The following MIS18A variants were observed in gnomAD, a reference collection of about 807,000 sequenced individuals.
The protein encoded by MIS18A is protein Mis18-alpha.
Under a neutral mutation model 25.0 loss-of-function variants are expected in MIS18A, and 14 were observed. The observed-to-expected ratio is 0.56, with a 90% confidence interval of 0.37 to 0.88. The LOEUF is 0.88. Ranked by LOEUF, MIS18A falls within the 40% of genes least tolerant of loss-of-function variation. MIS18A has a pLI of 0.00. For missense variants in MIS18A, 292 were observed against 290.8 expected, an observed-to-expected ratio of 1.00 and a Z score of -0.03; for synonymous variants, 134 against 118.6, an observed-to-expected ratio of 1.13 and a Z score of -0.84.
the MIS18A span, among the ~76,000 whole-genome samples, chr21:32,203,113 G>C: frequency 3.3e-5 from 5 of 150,958 alleles, no homozygotes; most frequent in African/African-American, 1.2e-4. Context: ...CCCAAATAAA[G>C]ATGAAAGAAA....
the MIS18A span, among the ~76,000 whole-genome samples, chr21:32,184,757 T>G: frequency 6.6e-6 from 1 of 152,140 alleles, no homozygotes; most frequent in South Asian, 2.1e-4. Context: ...GCTGACACCT[T>G]AGTTGCTGTC....
At chr21:32,183,281 A>G in the MIS18A span, among the ~76,000 whole-genome samples, 1 of 152,194 alleles carries the variant, frequency 6.6e-6, no homozygotes, top group Non-Finnish European at 1.5e-5. Context: ...GCAAGCATCC[A>G]TTGAATACAC....
At chr21:32,171,377 T>C in the MIS18A span, among the ~76,000 whole-genome samples, 10 of 152,206 alleles carry the variant, frequency 6.6e-5, no homozygotes, top group African/African-American at 2.4e-4. Context: ...AAACATTTTA[T>C]AAACAATTCT....
the MIS18A span, among the ~76,000 whole-genome samples, chr21:32,206,566 C>G: frequency 6.6e-6 from 1 of 152,086 alleles, no homozygotes. Flanking sequence ...TAATACACAA[C>G]TTGGTTCAGC....
the MIS18A span, among the ~76,000 whole-genome samples, chr21:32,176,423 G>A: frequency 1.3e-5 from 2 of 152,204 alleles, no homozygotes; most frequent in South Asian, 4.1e-4. Context: ...TGACCAAAAT[G>A]TTATTATGTG....
the MIS18A span, chr21:32,260,323 T>C: frequency 6.6e-6 from 1 of 152,224 alleles, no homozygotes; most frequent in Non-Finnish European, 1.5e-5. Context: ...CAGCAAGGGC[T>C]TCCTGGAGGA....
At chr21:32,245,839 G>A in the MIS18A span, among the ~76,000 whole-genome samples, 1 of 152,206 alleles carries the variant, frequency 6.6e-6, no homozygotes, top group African/African-American at 2.4e-5. Context: ...CTGGACACCT[G>A]TGTTAGGCCA....
At chr21:32,214,403 C>T in the MIS18A span, among the ~76,000 whole-genome samples, 13 of 152,264 alleles carry the variant, frequency 8.5e-5, no homozygotes, top group African/African-American at 1.9e-4. Context: ...GGGATGCAGA[C>T]GGGTTGCAAG....
At chr21:32,155,124 A>G in the MIS18A span, among the ~76,000 whole-genome samples, 1 of 152,186 alleles carries the variant, frequency 6.6e-6, no homozygotes, top group Non-Finnish European at 1.5e-5. Context: ...AAGGTATTTT[A>G]TCCTGTTAGT....
downstream of MIS18A, among the ~76,000 whole-genome samples, chr21:32,265,608 C>CT (rs2031582686): frequency 6.6e-6 from 1 of 152,250 alleles, no homozygotes; most frequent in South Asian, 2.1e-4. Context: ...ATGCCTGAGC[C>CT]TCCCACCCAC....
the MIS18A span, among the ~76,000 whole-genome samples, chr21:32,211,574 G>A: frequency 6.6e-6 from 1 of 152,302 alleles, no homozygotes; most frequent in East Asian, 1.9e-4. Context: ...AGACAGATTA[G>A]CTCAGTGTCC....
the MIS18A span, among the ~76,000 whole-genome samples, chr21:32,255,152 T>G: frequency 6.6e-6 from 1 of 152,212 alleles, no homozygotes; most frequent in Non-Finnish European, 1.5e-5. Context: ...GATACTTGGA[T>G]TGTAGATACT....
chr21:32,213,742 T>C, the MIS18A span, among the ~76,000 whole-genome samples: 3 of 152,248 alleles, frequency 2.0e-5, no homozygotes, highest in Admixed American at 6.5e-5. Flanking sequence ...ATGAGGTTAA[T>C]GTCAAGGTGT....
At chr21:32,184,710 G>A in the MIS18A span, among the ~76,000 whole-genome samples, 5 of 152,108 alleles carry the variant, frequency 3.3e-5, 1 homozygote, top group African/African-American at 9.6e-5. Flanking sequence ...GCACAAATGC[G>A]CGCTCATCCC....
At chr21:32,176,687 CAA>C in the MIS18A span, among the ~76,000 whole-genome samples, 1 of 150,864 alleles carries the variant, frequency 6.6e-6, no homozygotes, top group Admixed American at 6.6e-5. Flanking sequence ...GAACATAAAA[CAA>C]GAGAAAGTGG....
chr21:32,238,306 A>G, the MIS18A span, among the ~76,000 whole-genome samples: 1 of 152,182 alleles, frequency 6.6e-6, no homozygotes, highest in African/African-American at 2.4e-5. Context: ...AATCTCAGTG[A>G]CTTTATACAA....
chr21:32,211,396 C>G, the MIS18A span, among the ~76,000 whole-genome samples: 1 of 152,188 alleles, frequency 6.6e-6, no homozygotes, highest in Non-Finnish European at 1.5e-5. Context: ...ACTGTTCCAC[C>G]AAATCATGCC....
chr21:32,256,352 C>T, the MIS18A span, among the ~76,000 whole-genome samples: 19 of 152,146 alleles, frequency 1.2e-4, no homozygotes, highest in Non-Finnish European at 2.2e-4. Flanking sequence ...TCTTTCATTT[C>T]TCTATTCCAT....
At chr21:32,259,093 C>T in the MIS18A span, among the ~76,000 whole-genome samples, 1 of 151,946 alleles carries the variant, frequency 6.6e-6, no homozygotes, top group Non-Finnish European at 1.5e-5. Flanking sequence ...AGGCCAGTCT[C>T]GAACTCCTAG....
Sources: allele counts gnomAD v4.1 joint callset (sites outside exome capture counted in the v4.1 genomes callset), GRCh38; gene constraint gnomAD v4.1.1; transcripts MANE v1.5; gene names NCBI Gene and HGNC (gene_info 2026-07-23, HGNC 2026-07-21).